TOM1L1: variants seen among roughly 807,000 people sequenced by gnomAD.
The protein encoded by TOM1L1 is TOM1-like protein 1.
Under a neutral mutation model 63.4 loss-of-function variants are expected in TOM1L1, and 64 were observed. The observed-to-expected ratio is 1.01, with a 90% CI of 0.83 to 1.24. The LOEUF is 1.24. Ranked by LOEUF, TOM1L1 falls within the 50% of genes most tolerant of loss-of-function variation. TOM1L1 has a pLI of 0.00. For missense variants in TOM1L1, 536 were observed against 567.0 expected (o/e 0.95, Z 0.55); for synonymous variants, 166 against 194.4 (o/e 0.85, Z 1.22).
At chr17:54,901,514 A>G (rs1052445191) in intron 1 of TOM1L1, among the ~76,000 whole-genome samples, 4 of 152,132 alleles carry the variant, frequency 2.6e-5, no homozygotes, top group African/African-American at 7.2e-5. Context: ...CTCGCAGGCC[A>G]CTAGGGACTA....
At position 54,903,754 on chromosome 17, in the gene TOM1L1, C is replaced by T. The variant is rs139168566; in HGVS notation, c.105C>T (p.Phe35=). The T allele has an allele frequency of 5.3e-5, 85 of 1,614,080 alleles. 1 individual carries two copies. In the African/African-American group the frequency reaches 1.0e-3, roughly 19 times the overall value. The change falls in exon 2 of 16, where the codon TTC becomes TTT. Residue 35 remains phenylalanine (F), a synonymous_variant. Transcript: ENST00000575882. ...TTCAGACTGAAGATTGGGGCCAGTT[C>T]ATGCACATCTGTGACATAATTAACA... ...AGVQTEDWGQ[F]MHICDIINTT... is the part of the protein sequence containing the mutation.
chr17:54,936,496 GA>G, intron 8 of TOM1L1, 152 bp from the exon 9 acceptor site: 3 of 635,702 alleles, frequency 4.7e-6, no homozygotes, highest in South Asian at 2.4e-5. Flanking sequence ...CTGTAAGCTG[GA>G]AAAAGGTTAT....
At chr17:54,943,364 G>T (rs1487715555) in intron 11 of TOM1L1, among the ~76,000 whole-genome samples, 1 of 148,758 alleles carries the variant, frequency 6.7e-6, no homozygotes, top group Non-Finnish European at 1.5e-5. Flanking sequence ...CCTTTTTCCT[G>T]CTTTCTTTTG....
intron 8 of TOM1L1, among the ~76,000 whole-genome samples, chr17:54,933,676 C>G (rs1365665594): frequency 1.3e-5 from 2 of 152,162 alleles, no homozygotes; most frequent in Non-Finnish European, 2.9e-5. Context: ...GCGTGTACCA[C>G]CACGCCCAGC....
intron 8 of TOM1L1, chr17:54,930,487 T>G (rs569659519): frequency 3.3e-6 from 1 of 299,674 alleles, no homozygotes; most frequent in African/African-American, 2.2e-5. Context: ...GGAGGATCAC[T>G]TGAGCCCAGG....
intron 8 of TOM1L1, among the ~76,000 whole-genome samples, chr17:54,931,200 AT>A (rs2143861774): frequency 6.6e-6 from 1 of 152,286 alleles, no homozygotes; most frequent in African/African-American, 2.4e-5. Context: ...ACAGGCCTGG[AT>A]TCAAATCTAG....
At chr17:54,914,530 C>A in intron 5 of TOM1L1, 109 bp from the exon 6 acceptor site, 1 of 799,206 alleles carries the variant, frequency 1.3e-6, no homozygotes, top group South Asian at 1.5e-5. Flanking sequence ...TGGGCAGATA[C>A]CCTGTACACA....
intron 3 of TOM1L1, among the ~76,000 whole-genome samples, chr17:54,907,132 A>G (rs2048424684): frequency 1.3e-5 from 2 of 149,616 alleles, no homozygotes; most frequent in African/African-American, 2.5e-5. Context: ...ATATAGTTTT[A>G]GAGGCATTTT....
intron 7 of TOM1L1, among the ~76,000 whole-genome samples, chr17:54,922,879 A>T (rs1034765361): frequency 4.6e-5 from 7 of 152,180 alleles, no homozygotes; most frequent in African/African-American, 1.7e-4. Context: ...CCCAAAAGGA[A>T]ACCCCATGCT....
chr17:54,940,250 A>G (rs532704920), intron 11 of TOM1L1, among the ~76,000 whole-genome samples: 6 of 152,332 alleles, frequency 3.9e-5, no homozygotes, highest in African/African-American at 1.4e-4. Context: ...ACCTATAAAC[A>G]TATGCAATGA....
intron 14 of TOM1L1, among the ~76,000 whole-genome samples, chr17:54,960,112 C>G (rs1305448292): frequency 6.6e-6 from 1 of 152,056 alleles, no homozygotes; most frequent in African/African-American, 2.4e-5. Context: ...CCTGTAATCC[C>G]AGCACTTTGG....
At chr17:54,939,799 GTGA>G (rs971434906) in intron 11 of TOM1L1, among the ~76,000 whole-genome samples, 1 of 152,136 alleles carries the variant, frequency 6.6e-6, no homozygotes. Context: ...CAGGCCTCAG[GTGA>G]TCCTCCCGCC....
chr17:54,940,327 G>T (rs1472545928), intron 11 of TOM1L1, among the ~76,000 whole-genome samples: 1 of 152,114 alleles, frequency 6.6e-6, no homozygotes, highest in Non-Finnish European at 1.5e-5. Context: ...TACTTCTCAG[G>T]TTGGCAAAAG....
At chr17:54,930,817 T>C (rs1197731956) in intron 8 of TOM1L1, among the ~76,000 whole-genome samples, 1 of 151,800 alleles carries the variant, frequency 6.6e-6, no homozygotes, top group Non-Finnish European at 1.5e-5. Context: ...ACTTCAGCCT[T>C]GGCAATAGAG....
At chr17:54,918,091 A>G (rs745606574) in intron 7 of TOM1L1, among the ~76,000 whole-genome samples, 6 of 152,118 alleles carry the variant, frequency 3.9e-5, no homozygotes, top group Non-Finnish European at 8.8e-5. Context: ...TCTGGCTTTT[A>G]GGCATGGAGC....
rs10675478 is a variant in TOM1L1 at position 54,925,910 on chromosome 17, A to AAAC, written c.721-4154_721-4152dup. 2.1e-5 allele frequency among the ~76,000 whole-genome samples: 3 copies of AAAC among 141,422 alleles called. No individual in the cohort carries two copies. In the South Asian group the frequency reaches 6.6e-4, roughly 31 times the overall value. 92.8% of individuals were successfully genotyped at this position (141,422 alleles called of 152,430 possible). ...AGATCGAGACTCCCTCTCAAACAAA[A>AAAC]AACAACAACAAAAAAAAAAGCAGCC... On this transcript the variant is annotated intron_variant, in intron 7 of 15. Coordinates refer to ENST00000575882, the MANE Select transcript of TOM1L1 (RefSeq NM_005486.3).
At chr17:54,926,558 A>G (rs1012839006) in intron 7 of TOM1L1, among the ~76,000 whole-genome samples, 5 of 152,082 alleles carry the variant, frequency 3.3e-5, no homozygotes, top group Non-Finnish European at 5.9e-5. Flanking sequence ...AATGACAACT[A>G]CAGAAAGCCT....
intron 7 of TOM1L1, among the ~76,000 whole-genome samples, chr17:54,923,860 C>T (rs2048723708): frequency 6.6e-6 from 1 of 151,976 alleles, no homozygotes; most frequent in African/African-American, 2.4e-5. Flanking sequence ...TGGCAGGTGC[C>T]TGTAATCCCA....
chr17:54,949,167 A>C, intron 12 of TOM1L1, among the ~76,000 whole-genome samples: 1 of 150,856 alleles, frequency 6.6e-6, no homozygotes, highest in East Asian at 1.9e-4. Context: ...TCTCTGGGGT[A>C]GCTGGGACTA....
Sources: gnomAD v4.1 joint callset for allele counts (sites outside exome capture counted in the v4.1 genomes callset) on GRCh38, gnomAD v4.1.1 for gene constraint, MANE v1.5 for transcripts, NCBI Gene and HGNC (gene_info 2026-07-23, HGNC 2026-07-21) for gene names.